Variants in RHBDF2 observed in about 807,000 individuals in gnomAD.
The protein encoded by RHBDF2 is inactive rhomboid protein 2.
Under a neutral mutation model 95.2 loss-of-function variants are expected in RHBDF2, and 38 were observed. The ratio of observed to expected loss-of-function variants is 0.40; its 90% CI spans 0.31 to 0.52. RHBDF2 has a LOEUF of 0.52. Ranked by LOEUF, RHBDF2 falls within the 20% of genes least tolerant of loss-of-function variation. The probability of loss-of-function intolerance (pLI) is 0.56; values close to 1 mark genes in which losing one functional copy is unlikely to be tolerated. For synonymous variants in RHBDF2, 442 were observed against 462.0 expected (o/e 0.96, Z 0.55); for missense variants, 863 against 1,137.7 (o/e 0.76, Z 3.47).
rs1480771058 is a variant in RHBDF2 at position 76,474,102 on chromosome 17, C to T, written c.1505G>A (p.Gly502Glu). 1.9e-6 allele frequency: 3 copies of T among 1,602,954 alleles called. No individual in the cohort carries two copies. The highest frequency in any genetic ancestry group is 2.2e-5 in the South Asian group (2 of 90,192). Residue 502 changes from glycine (G) to glutamate (E), a missense_variant, in exon 13 of 19, where the codon GGG (glycine) becomes GAG (glutamate). Around this residue, in one of 2 missense-constraint regions of RHBDF2, gnomAD observed 611 missense variants for 725.5 expected, o/e 0.84. Coordinates refer to ENST00000675367, the MANE Select transcript of RHBDF2 (RefSeq NM_001005498.4). ...ATFVKWQDDTGPPMDKSDLGQ... is the reference protein window; with the variant it reads ...ATFVKWQDDTEPPMDKSDLGQ... Reference sequence around the variant, plus strand: ...CAGATCAGACTTGTCCATGGGGGGCCCAGTGTCATCCTGCCACTTGACAAA... The same window carrying T: ...CAGATCAGACTTGTCCATGGGGGGCTCAGTGTCATCCTGCCACTTGACAAA...
chr17:76,487,964 C>A (rs1297091518), intron 1 of RHBDF2, 55 bp from the exon 2 acceptor site: 1 of 152,300 alleles, frequency 6.6e-6, no homozygotes, highest in African/African-American at 2.4e-5. Flanking sequence ...AGTGCTTTAA[C>A]CTTCCTCACC....
chr17:76,485,202 G>A (rs1031414443), intron 2 of RHBDF2, among the ~76,000 whole-genome samples: 4 of 152,158 alleles, frequency 2.6e-5, no homozygotes, highest in Non-Finnish European at 5.9e-5. Flanking sequence ...GAGGTCGGGA[G>A]TTCGAGACCA....
chr17:76,477,358 A>T, intron 7 of RHBDF2, 60 bp from the exon 8 acceptor site: 2 of 1,564,520 alleles, frequency 1.3e-6, no homozygotes, highest in East Asian at 4.5e-5. Flanking sequence ...TGCCCCCCGG[A>T]ACCTCAATTC....
chr17:76,484,601 C>A (rs898205851), intron 2 of RHBDF2, among the ~76,000 whole-genome samples: 4 of 151,994 alleles, frequency 2.6e-5, no homozygotes, highest in African/African-American at 9.7e-5. Context: ...GATCATTCTC[C>A]GCACCGCAGC....
chr17:76,476,878 C>G lies in RHBDF2; in HGVS notation c.1067G>C (p.Ser356Thr), dbSNP rs1267481061. 1.2e-6 allele frequency: 2 copies of G among 1,612,372 alleles called. No homozygotes were observed. The highest frequency in any genetic ancestry group is 3.3e-5 in the Admixed American group (2 of 59,992). The change falls in exon 9 of 19, where the codon AGC becomes ACC. Residue 356 changes from serine to threonine, a missense_variant. This residue lies in a region of RHBDF2 where 611 missense variants were observed against 725.5 expected (regional missense o/e 0.84). Coordinates refer to ENST00000675367, the MANE Select transcript of RHBDF2 (RefSeq NM_001005498.4). Reference sequence around the variant, plus strand: ...CTGCCGCTGCACAGTGCTGCTGATGCTGCGGCGGTAGCTGCGGTTCAGCCA... The same window carrying G: ...CTGCCGCTGCACAGTGCTGCTGATGGTGCGGCGGTAGCTGCGGTTCAGCCA... Reference protein sequence around the residue: ...GNWLNRSYRRSISSTVQRQLE... With the variant: ...GNWLNRSYRRTISSTVQRQLE...
In RHBDF2 at chr17:76,472,443, C is replaced by G. The variant is rs555887658; in HGVS notation, c.2064+243G>C. On this transcript the variant is annotated intron_variant, in intron 18 of 18. Coordinates refer to ENST00000675367, the MANE Select transcript of RHBDF2 (RefSeq NM_001005498.4). ...TGCAGATACCTAGCATACTGTCAGG[C>G]AGTGGGCACGGTTAGGAAGATAAAT... is the stretch of plus-strand genomic sequence containing the variant. 6.4e-5 allele frequency: 40 copies of G among 623,326 alleles called. No homozygotes were observed. In the African/African-American group the frequency reaches 6.9e-4, roughly 11 times the overall value. 38.6% of individuals were successfully genotyped at this position (623,326 alleles called of 1,614,324 possible). A position where few individuals can be genotyped will look rare whatever the true frequency, so the allele number is the denominator to read the frequency against.
chr17:76,473,935 A>ACC, intron 13 of RHBDF2, 33 bp from the exon 14 acceptor site: 1 of 1,610,058 alleles, frequency 6.2e-7, no homozygotes, highest in Non-Finnish European at 8.5e-7. Flanking sequence ...GCTGTGGCAC[A>ACC]CCCAGCGTGC....
intron 1 of RHBDF2, among the ~76,000 whole-genome samples, chr17:76,491,791 A>G (rs2074308884): frequency 6.6e-6 from 1 of 152,192 alleles, no homozygotes; most frequent in Non-Finnish European, 1.5e-5. Context: ...CAGCGGGGAA[A>G]GGAGTGGGGA....
chr17:76,498,788 G>C (rs2074494753), intron 1 of RHBDF2, among the ~76,000 whole-genome samples: 1 of 113,724 alleles, frequency 8.8e-6, no homozygotes, highest in African/African-American at 3.8e-5. Flanking sequence ...GAGAGAAAGA[G>C]AGTGTGTGTG....
chr17:76,477,506 G>A (rs889615246), intron 7 of RHBDF2, 151 bp downstream of exon 7: 3 of 1,093,210 alleles, frequency 2.7e-6, no homozygotes, highest in Non-Finnish European at 4.0e-6. Flanking sequence ...GAAAGATGGG[G>A]GCCCAGCAGC....
chr17:76,488,638 T>C (rs2074210357), intron 1 of RHBDF2, among the ~76,000 whole-genome samples: 1 of 151,914 alleles, frequency 6.6e-6, no homozygotes, highest in Admixed American at 6.6e-5. Context: ...TGAAACCCTG[T>C]CTCTACTAAG....
At chr17:76,498,572 A>C (rs1205302404) in intron 1 of RHBDF2, among the ~76,000 whole-genome samples, 1 of 152,160 alleles carries the variant, frequency 6.6e-6, no homozygotes, top group Non-Finnish European at 1.5e-5. Context: ...TTCTGCTGTC[A>C]TCTGTCACCT....
intron 2 of RHBDF2, among the ~76,000 whole-genome samples, chr17:76,487,170 G>A (rs888606939): frequency 6.6e-6 from 1 of 151,566 alleles, no homozygotes; most frequent in Non-Finnish European, 1.5e-5. Flanking sequence ...TGTTGGTCAG[G>A]CTGGTCTCAA....
At position 76,473,018 on chromosome 17, in the gene RHBDF2, A is replaced by G; in HGVS notation, c.1897T>C (p.Phe633Leu). Reference sequence around the variant, plus strand: ...GGAGCCTCTTACCCAGCATGTAGGAAGAGAGACAGCCAGAGCCTGTAGAAC... The same window carrying G: ...GGAGCCTCTTACCCAGCATGTAGGAGGAGAGACAGCCAGAGCCTGTAGAAC... Reference protein sequence around the residue: ...DQFYRLWLSLFLHAGVVHCLV... With the variant: ...DQFYRLWLSLLLHAGVVHCLV... The change falls in exon 17 of 19, where the codon TTC (phenylalanine) becomes CTC (leucine). Residue 633 changes from phenylalanine (F) to leucine (L), a missense_variant. Coordinates refer to ENST00000675367, the MANE Select transcript of RHBDF2 (RefSeq NM_001005498.4). The G allele has an allele frequency of 6.2e-7, 1 of 1,614,018 alleles. No homozygotes were observed.
intron 4 of RHBDF2, 127 bp downstream of exon 4, chr17:76,479,606 T>C: frequency 1.4e-6 from 1 of 737,916 alleles, no homozygotes; most frequent in South Asian, 1.6e-5. Context: ...AGGGAGACAT[T>C]GCTCATTAAT....
Position 76,473,840 on chromosome 17 carries a change from G to A in RHBDF2, c.1637C>T (p.Pro546Leu), listed in dbSNP as rs756654862. Residue 546 changes from proline (P) to leucine (L), a missense_variant and splice_region_variant, in exon 14 of 19, where the codon CCG becomes CTG. Pro to Leu is a moderately conservative substitution (Grantham distance 98, BLOSUM62 -3). Coordinates refer to ENST00000675367, the MANE Select transcript of RHBDF2 (RefSeq NM_001005498.4). ...CCACTCCCCGCCAGGGACACTCACC[G>A]GCCACTTAGTGATGTCATCGGGCCA... ...HIWPDDITKW[P>L]ICTEQARSNH... The A allele has an allele frequency of 2.9e-5, 46 of 1,613,946 alleles. No homozygotes were observed. Among genetic ancestry groups the A allele is most frequent in the Middle Eastern group, 1.6e-4 (1 of 6,084 alleles).
At chr17:76,491,432 T>TTTG (rs576724023) in intron 1 of RHBDF2, among the ~76,000 whole-genome samples, 9 of 147,002 alleles carry the variant, frequency 6.1e-5, no homozygotes, top group Admixed American at 6.8e-5. Context: ...GGCAATCAGT[T>TTTG]GGGGGGGGGT....
Position 76,472,057 on chromosome 17 carries a change from G to A in RHBDF2, c.2065-5C>T. ...CTGTGAGCCGGCCGGGCCCACCTGG[G>A]GCGGGGCAGGGGAGACGTGGCTTCA... On this transcript the variant is annotated splice_polypyrimidine_tract_variant and splice_region_variant and intron_variant, in intron 18 of 18. Coordinates refer to ENST00000675367, the MANE Select transcript of RHBDF2 (RefSeq NM_001005498.4). The A allele has an allele frequency of 6.4e-7, 1 of 1,551,894 alleles. No individual in the cohort carries two copies. The highest frequency in any genetic ancestry group is 8.7e-7 in the Non-Finnish European group (1 of 1,148,778).
intron 1 of RHBDF2, among the ~76,000 whole-genome samples, chr17:76,492,244 AC>A (rs2074319723): frequency 6.6e-6 from 1 of 151,882 alleles, no homozygotes; most frequent in Non-Finnish European, 1.5e-5. Context: ...AGTTCAGATC[AC>A]CCCCAGGTCC....
Sources: allele counts gnomAD v4.1 joint callset (sites outside exome capture counted in the v4.1 genomes callset), GRCh38; gene constraint gnomAD v4.1.1; regional missense constraint gnomAD v4.1.1; transcripts MANE v1.5; gene names NCBI Gene and HGNC (gene_info 2026-07-23, HGNC 2026-07-21).